Variants in IDUA observed in about 807,000 individuals in gnomAD.
IDUA encodes alpha-L-iduronidase.
In IDUA, 65 loss-of-function variants were observed where a neutral mutation model predicts 68.9. The observed-to-expected ratio is 0.94, with a 90% CI of 0.77 to 1.16. The LOEUF (loss-of-function observed/expected upper bound fraction) is 1.16, where lower values mean the gene tolerates loss of function less well. IDUA is among the 50% of genes most tolerant of loss of function. IDUA has a pLI of 0.00. For missense variants in IDUA, 1,046 were observed against 938.0 expected, an observed-to-expected ratio of 1.12 and a Z score of -1.50; for synonymous variants, 529 against 433.6, an observed-to-expected ratio of 1.22 and a Z score of -2.73.
chr4:990,117 C>T (rs1486758160), intron 2 of IDUA: 7 of 1,580,828 alleles, frequency 4.4e-6, no homozygotes, highest in African/African-American at 1.3e-5. Context: ...TCGCGGCTAG[C>T]AGCACCGCCA....
chr4:1,001,772 C>T lies in IDUA; in HGVS notation c.683C>T (p.Pro228Leu), dbSNP rs1219720271. ...LGGPGDSFHT[P>L]PRSPLSWGLL... ...GGCCCCGGCGACTCCTTCCACACCCCACCGCGATCCCCGCTGAGCTGGGGC... is the reference window on the plus strand; with the variant it reads ...GGCCCCGGCGACTCCTTCCACACCCTACCGCGATCCCCGCTGAGCTGGGGC... Residue 228 changes from proline to leucine, a missense_variant, in exon 6 of 14, where the codon CCA becomes CTA. Physicochemically the swap from Pro to Leu is moderately conservative, Grantham distance 98 (BLOSUM62 -3). Transcript: ENST00000514224. 1 of 1,601,710 alleles carries T rather than the reference C, an allele frequency of 6.2e-7. No individual in the cohort carries two copies. Among genetic ancestry groups the T allele is most frequent in the South Asian group, 1.1e-5 (1 of 90,448 alleles).
chr4:990,782 G>A lies in IDUA; in HGVS notation c.299+2833G>A, dbSNP rs529943994. On this transcript the variant is annotated intron_variant, in intron 2 of 13. Coordinates refer to ENST00000514224, the MANE Select transcript of IDUA (RefSeq NM_000203.5). ...CCAAGGCAGGAGACCTTCGGGGGTGGGGAGGCCATCCCCCACTCCACCTAG... is the reference window on the plus strand; with the variant it reads ...CCAAGGCAGGAGACCTTCGGGGGTGAGGAGGCCATCCCCCACTCCACCTAG... 4 of 389,630 alleles carry A rather than the reference G, an allele frequency of 1.0e-5. No homozygotes were observed. The Admixed American group carries it at 1.7e-4, about 17-fold the overall frequency. 24.1% of individuals were successfully genotyped at this position (389,630 alleles called of 1,614,324 possible). A position where few individuals can be genotyped will look rare whatever the true frequency, so the allele number is the denominator to read the frequency against.
intron 2 of IDUA, chr4:988,498 TGGCGG>T (rs1277265285): frequency 1.6e-5 from 18 of 1,136,502 alleles, no homozygotes; most frequent in Non-Finnish European, 1.8e-5. Flanking sequence ...GGCTGCATGA[TGGCGG>T]GGGACCCTTG....
chr4:995,076 G>A (rs1366152000), intron 2 of IDUA, among the ~76,000 whole-genome samples: 12 of 146,234 alleles, frequency 8.2e-5, no homozygotes, highest in South Asian at 2.1e-4. Context: ...ATGGAGTCTC[G>A]CTCTGTTGCC....
chr4:992,369 G>A (rs1714433527), intron 2 of IDUA: 1 of 363,428 alleles, frequency 2.8e-6, no homozygotes, highest in Non-Finnish European at 5.6e-6. Context: ...GCTGGCGGAA[G>A]TCTCAGGAAG....
chr4:988,287 C>A, intron 2 of IDUA: 5 of 1,159,022 alleles, frequency 4.3e-6, no homozygotes, highest in Non-Finnish European at 5.3e-6. Flanking sequence ...GAGGTCTCAT[C>A]GGTCACAGCA....
chr4:998,578 C>G (rs1469262982), intron 2 of IDUA, among the ~76,000 whole-genome samples: 1 of 152,158 alleles, frequency 6.6e-6, no homozygotes, highest in Non-Finnish European at 1.5e-5. Flanking sequence ...TCAAGGCTGG[C>G]TGCTATTCCA....
intron 2 of IDUA, among the ~76,000 whole-genome samples, chr4:994,787 T>C (rs1714642412): frequency 6.6e-6 from 1 of 151,402 alleles, no homozygotes. Context: ...ATTAGCTGGG[T>C]GTGGTGGTGT....
In IDUA at chr4:1,002,006, C is replaced by T. The variant is rs2153022167; in HGVS notation, c.817C>T (p.Leu273=). Reference sequence around the variant, plus strand: ...GGGTGCGCGCAGCTCCATCTCCATCCTGGAGCAGGAGAAGGTCGTCGCGCA... The same window carrying T: ...GGGTGCGCGCAGCTCCATCTCCATCTTGGAGCAGGAGAAGGTCGTCGCGCA... ...RKGARSSISI[L]EQEKVVAQQI... is the part of the protein sequence containing the mutation. The change falls in exon 7 of 14, where the codon CTG becomes TTG. Residue 273 remains leucine, a synonymous_variant. Coordinates refer to ENST00000514224, the MANE Select transcript of IDUA (RefSeq NM_000203.5). 1 of 1,593,702 alleles carries T rather than the reference C, an allele frequency of 6.3e-7. No individual in the cohort carries two copies. The highest frequency in any genetic ancestry group is 1.1e-5 in the South Asian group (1 of 87,700).
rs576223950 is a variant in IDUA at position 988,347 on chromosome 4, C to G, written c.299+398C>G. On this transcript the variant is annotated intron_variant, in intron 2 of 13. Transcript: ENST00000514224. ...GTGGCCACCCTGTGAGGGGGAGGCA[C>G]GAGGTGTGAGGGGCACTTGGGTGTG... 4.6e-6 allele frequency: 5 copies of G among 1,085,194 alleles called. No individual in the cohort carries two copies. In the East Asian group the frequency reaches 3.6e-4, roughly 78 times the overall value. The allele number at this position is 1,085,194 out of a possible 1,614,324, so 67.2% of individuals were successfully genotyped here.
chr4:997,513 G>A (rs1367769901), intron 2 of IDUA, among the ~76,000 whole-genome samples: 4 of 151,286 alleles, frequency 2.6e-5, no homozygotes, highest in African/African-American at 7.3e-5. Flanking sequence ...GTGGGGACCC[G>A]GGCGGCCGCT....
At chr4:998,342 TG>T (rs1225153277) in intron 2 of IDUA, among the ~76,000 whole-genome samples, 103 of 152,256 alleles carry the variant, frequency 6.8e-4, no homozygotes, top group Middle Eastern at 6.8e-3. Flanking sequence ...AGACCTTTGC[TG>T]TGGAGCTGGG....
At chr4:1,001,644 A>C in intron 5 of IDUA, 35 bp from the exon 6 acceptor site, 1 of 1,606,000 alleles carries the variant, frequency 6.2e-7, no homozygotes, top group Non-Finnish European at 8.5e-7. Context: ...GCTCATCCCC[A>C]GGGCAGGTGT....
chr4:987,373 C>A, intron 1 of IDUA, 131 bp downstream of exon 1: 1 of 962,338 alleles, frequency 1.0e-6, no homozygotes, highest in Non-Finnish European at 1.5e-6. Context: ...CGGGCCCGCC[C>A]CCCGCCGTGT....
Position 1,002,870 on chromosome 4 carries a change from G to C in IDUA, c.1328G>C (p.Ser443Thr). The change falls in exon 9 of 14, where the codon AGC becomes ACC. Residue 443 changes from serine (S) to threonine (T), a missense_variant. Ser to Thr is a moderately conservative substitution (Grantham distance 58). Coordinates refer to ENST00000514224, the MANE Select transcript of IDUA (RefSeq NM_000203.5). ...AWRAAVLIYA[S>T]DDTRAHPNRS... ...CGCGCCGCGGTGCTGATCTACGCGA[G>C]CGACGACACCCGCGCCCACCCCAAC... 4.2e-6 allele frequency: 6 copies of C among 1,444,914 alleles called. No individual in the cohort carries two copies. Among genetic ancestry groups the C allele is most frequent in the Non-Finnish European group, 5.4e-6 (6 of 1,104,848 alleles). The allele number at this position is 1,444,914 out of a possible 1,614,324, so 89.5% of individuals were successfully genotyped here. A position where few individuals can be genotyped will look rare whatever the true frequency, so the allele number is the denominator to read the frequency against.
intron 1 of IDUA, chr4:987,525 T>C: frequency 1.0e-6 from 1 of 955,614 alleles, no homozygotes; most frequent in Non-Finnish European, 1.5e-6. Context: ...CAGCGGGACC[T>C]GGCCTGCCTG....
In IDUA at chr4:1,002,775, C is replaced by G. The variant is rs1165332949; in HGVS notation, c.1233C>G (p.Val411=). ...LWAEVSQAGT[V]LDSNHTVGVL... ...CCGAAGTGTCGCAGGCCGGGACCGT[C>G]CTGGACAGCAACCACACGGTGGGCG... Residue 411 remains valine, a synonymous_variant, in exon 9 of 14, where the codon GTC becomes GTG. Coordinates refer to ENST00000514224, the MANE Select transcript of IDUA (RefSeq NM_000203.5). The G allele has an allele frequency of 1.4e-6, 2 of 1,476,416 alleles. No homozygotes were observed. Among genetic ancestry groups the G allele is most frequent in the Admixed American group, 2.3e-5 (1 of 43,432 alleles). 91.5% of individuals were successfully genotyped at this position (1,476,416 alleles called of 1,614,324 possible). A position where few individuals can be genotyped will look rare whatever the true frequency, so the allele number is the denominator to read the frequency against.
chr4:1,001,227 G>A lies in IDUA; in HGVS notation c.493+238G>A. The A allele has an allele frequency of 6.4e-6, 4 of 622,540 alleles. No homozygotes were observed. In the South Asian group the frequency reaches 7.6e-5, roughly 12 times the overall value. 38.6% of individuals were successfully genotyped at this position (622,540 alleles called of 1,614,324 possible). ...GCGAAGGCCCTGGGCCCCTGGGGTGGGGGGTACTCCTGGGCAGGCTGCACC... is the reference window on the plus strand; with the variant it reads ...GCGAAGGCCCTGGGCCCCTGGGGTGAGGGGTACTCCTGGGCAGGCTGCACC... On this transcript the variant is annotated intron_variant, in intron 4 of 13. Transcript: ENST00000514224.
At chr4:988,128 C>A in intron 2 of IDUA, 179 bp downstream of exon 2, 4 of 1,413,118 alleles carry the variant, frequency 2.8e-6, no homozygotes, top group Non-Finnish European at 2.8e-6. Context: ...TGGAGGGAGC[C>A]CCTGCATGGG....
Sources: gnomAD v4.1 joint callset for allele counts (sites outside exome capture counted in the v4.1 genomes callset) on GRCh38, gnomAD v4.1.1 for gene constraint, MANE v1.5 for transcripts, NCBI Gene and HGNC (gene_info 2026-07-23, HGNC 2026-07-21) for gene names.